The following AUH variants were observed in gnomAD, a reference collection of about 807,000 sequenced individuals.
AUH encodes the protein AU RNA binding methylglutaconyl-CoA hydratase.
Under a neutral mutation model 42.3 loss-of-function variants are expected in AUH, and 29 were observed. The ratio of observed to expected loss-of-function variants is 0.69; its 90% CI spans 0.51 to 0.93. AUH has a LOEUF of 0.93. Ranked by LOEUF, AUH falls within the 40% of genes least tolerant of loss-of-function variation. The pLI, the probability that AUH is intolerant of heterozygous loss-of-function variation, is 0.00. For missense variants in AUH, 452 were observed against 438.1 expected (o/e 1.03, Z -0.28); for synonymous variants, 174 against 166.4 (o/e 1.05, Z -0.35).
At chr9:91,251,445 C>T (rs1389318928) in intron 6 of AUH, among the ~76,000 whole-genome samples, 1 of 152,192 alleles carries the variant, frequency 6.6e-6, no homozygotes, top group Non-Finnish European at 1.5e-5. Flanking sequence ...GAGATTTACT[C>T]ATGATGGGTC....
intron 1 of AUH, among the ~76,000 whole-genome samples, chr9:91,359,269 A>G (rs940617831): frequency 6.6e-6 from 1 of 152,234 alleles, no homozygotes; most frequent in Non-Finnish European, 1.5e-5. Flanking sequence ...CTCCTTCCCT[A>G]GAACCAGCTC....
At chr9:91,267,055 A>C (rs568799941) in intron 6 of AUH, among the ~76,000 whole-genome samples, 1 of 152,330 alleles carries the variant, frequency 6.6e-6, no homozygotes, top group South Asian at 2.1e-4. Context: ...TTATCAGTCC[A>C]GATGGCAGAA....
At chr9:91,248,479 T>A (rs1828919952) in intron 6 of AUH, among the ~76,000 whole-genome samples, 2 of 152,078 alleles carry the variant, frequency 1.3e-5, no homozygotes, top group Non-Finnish European at 2.9e-5. Context: ...AAGCACAACC[T>A]AAAAGGAGTG....
intron 6 of AUH, among the ~76,000 whole-genome samples, chr9:91,270,409 T>C (rs928191336): frequency 6.6e-6 from 1 of 152,182 alleles, no homozygotes; most frequent in African/African-American, 2.4e-5. Flanking sequence ...AACAGCCCTG[T>C]GCTTTCCTCA....
At chr9:91,268,944 G>A (rs1359399141) in intron 6 of AUH, among the ~76,000 whole-genome samples, 2 of 151,828 alleles carry the variant, frequency 1.3e-5, no homozygotes, top group African/African-American at 4.8e-5. Flanking sequence ...TTATATCAAG[G>A]TTTATCCTAC....
chr9:91,278,419 A>AC (rs965693433), intron 6 of AUH, among the ~76,000 whole-genome samples: 8 of 152,162 alleles, frequency 5.3e-5, no homozygotes, highest in Admixed American at 4.6e-4. Flanking sequence ...GATGGTGCTC[A>AC]CTCTGAGTGA....
intron 6 of AUH, among the ~76,000 whole-genome samples, chr9:91,271,567 A>C (rs1447691385): frequency 2.0e-5 from 3 of 152,276 alleles, no homozygotes; most frequent in Admixed American, 6.5e-5. Flanking sequence ...TGAGGAAAGA[A>C]GACTACGTTT....
chr9:91,280,094 C>T (rs563121799), intron 6 of AUH, among the ~76,000 whole-genome samples: 1 of 152,286 alleles, frequency 6.6e-6, no homozygotes, highest in East Asian at 1.9e-4. Context: ...TTCAAAAAAG[C>T]AGTCACCAAA....
At chr9:91,307,988 A>C (rs1188384887) in intron 4 of AUH, among the ~76,000 whole-genome samples, 1 of 152,210 alleles carries the variant, frequency 6.6e-6, no homozygotes, top group Non-Finnish European at 1.5e-5. Context: ...GATCAAATAC[A>C]CTACGTAAGT....
At chr9:91,224,082 C>CAGT (rs1311474778) in intron 6 of AUH, among the ~76,000 whole-genome samples, 2 of 152,170 alleles carry the variant, frequency 1.3e-5, no homozygotes, top group Admixed American at 1.3e-4. Context: ...TCAGCAGCAG[C>CAGT]AGCCGATTAA....
intron 6 of AUH, among the ~76,000 whole-genome samples, chr9:91,274,450 C>T (rs964395735): frequency 6.6e-6 from 1 of 152,140 alleles, no homozygotes; most frequent in Non-Finnish European, 1.5e-5. Flanking sequence ...ATTTCAATAC[C>T]TAAGGATGTG....
intron 6 of AUH, among the ~76,000 whole-genome samples, chr9:91,265,910 G>A (rs1056858863): frequency 5.3e-5 from 8 of 151,642 alleles, no homozygotes; most frequent in Non-Finnish European, 5.9e-5. Context: ...CTCCTTTCCC[G>A]TTTTCTTTGG....
chr9:91,327,900 G>A (rs560218081), intron 3 of AUH, among the ~76,000 whole-genome samples: 1 of 152,260 alleles, frequency 6.6e-6, no homozygotes, highest in East Asian at 1.9e-4. Context: ...CTAGACACCG[G>A]TGCCTGACAT....
intron 6 of AUH, among the ~76,000 whole-genome samples, chr9:91,279,446 G>GT (rs1825799855): frequency 1.3e-5 from 2 of 152,138 alleles, no homozygotes. Flanking sequence ...AAGAAAAGAG[G>GT]TTTAATTGCC....
At chr9:91,261,451 C>T (rs1336070833) in intron 6 of AUH, among the ~76,000 whole-genome samples, 1 of 152,174 alleles carries the variant, frequency 6.6e-6, no homozygotes, top group Non-Finnish European at 1.5e-5. Flanking sequence ...GTTCCCAGTT[C>T]ACTTCTGTGT....
At chr9:91,240,494 A>T (rs1828451939) in intron 6 of AUH, among the ~76,000 whole-genome samples, 1 of 152,098 alleles carries the variant, frequency 6.6e-6, no homozygotes, top group Non-Finnish European at 1.5e-5. Context: ...TGGGCTAGTA[A>T]ATTGGAGTGA....
chr9:91,306,258 A>C, intron 4 of AUH: 1 of 680,880 alleles, frequency 1.5e-6, no homozygotes, highest in Non-Finnish European at 1.8e-6. Context: ...CCCTAAGGGA[A>C]ATGCACAGAT....
At chr9:91,273,041 G>A (rs1825274968) in intron 6 of AUH, among the ~76,000 whole-genome samples, 1 of 152,218 alleles carries the variant, frequency 6.6e-6, no homozygotes, top group South Asian at 2.1e-4. Context: ...TTTAGCTGAA[G>A]AAGAATTTGC....
At chr9:91,361,513 G>T in intron 1 of AUH, 115 bp downstream of exon 1, 4 of 1,415,238 alleles carry the variant, frequency 2.8e-6, no homozygotes, top group East Asian at 2.7e-5. Context: ...ACCCAGGTTC[G>T]GTGCGCCTGC....
Sources: gnomAD v4.1 joint callset for allele counts (sites outside exome capture counted in the v4.1 genomes callset) on GRCh38, gnomAD v4.1.1 for gene constraint, MANE v1.5 for transcripts, NCBI Gene and HGNC (gene_info 2026-07-23, HGNC 2026-07-21) for gene names.